The following ZBTB20 variants were observed in gnomAD, a reference collection of about 807,000 sequenced individuals.
ZBTB20 encodes the protein zinc finger and BTB domain-containing protein 20.
In ZBTB20, 9 loss-of-function variants were observed where a neutral mutation model predicts 56.9. The ratio of observed to expected loss-of-function variants is 0.16; its 90% CI spans 0.10 to 0.28. The LOEUF (loss-of-function observed/expected upper bound fraction) is 0.28. ZBTB20 is among the 10% of genes least tolerant of loss of function. The pLI is 1.00. For synonymous variants in ZBTB20, 417 were observed against 420.7 expected, an observed-to-expected ratio of 0.99 and a Z score of 0.11; for missense variants, 655 against 1,003.0, an observed-to-expected ratio of 0.65 and a Z score of 4.69.
At chr3:114,870,507 A>G (rs146172369) in intron 4 of ZBTB20, among the ~76,000 whole-genome samples, 1 of 151,690 alleles carries the variant, frequency 6.6e-6, no homozygotes, top group East Asian at 1.9e-4. Flanking sequence ...CATTAATCAC[A>G]GAAGTCTACT....
rs2079628068 is a variant in ZBTB20, at chr3:114,339,858, G to C, written c.1805-432C>G. On this transcript the variant is annotated intron_variant, in intron 11 of 11. Transcript: ENST00000675478. This position sits in a 1 kb window ranked among gnomAD's most constrained non-coding sequence, Gnocchi z 4.2. Reference sequence around the variant, plus strand: ...GAAGAAAGATCGTTGGAGACATGGGGTGCTCTAGAATCCTTGAGAACTAAG... The same window carrying C: ...GAAGAAAGATCGTTGGAGACATGGGCTGCTCTAGAATCCTTGAGAACTAAG... 6.6e-6 allele frequency among the ~76,000 whole-genome samples: 1 copy of C among 152,170 alleles called. No homozygotes were observed. Among genetic ancestry groups the C allele is most frequent in the African/African-American group, 2.4e-5 (1 of 41,442 alleles).
chr3:114,332,241 T>C lies in ZBTB20; in HGVS notation c.*6764A>G, dbSNP rs1354369642. ...GATTTTGCCCATGATCTGTAGATTA[T>C]GCTCTTGCACCGGAGACTTGAAAGT... On this transcript the variant is annotated 3_prime_UTR_variant, in exon 12 of 12. Transcript: ENST00000675478. The C allele has an allele frequency of 1.3e-5, 2 of 152,164 alleles. No homozygotes were observed. Among genetic ancestry groups the C allele is most frequent in the Admixed American group, 6.5e-5 (1 of 15,288 alleles). 9.4% of individuals were successfully genotyped at this position (152,164 alleles called of 1,614,324 possible).
Position 114,702,263 on chromosome 3 carries a change from G to C in ZBTB20, c.-342-8688C>G, listed in dbSNP as rs182155840. Among the ~76,000 whole-genome samples, 184 of 152,252 alleles carry C rather than the reference G, an allele frequency of 1.2e-3. 1 individual carries two copies. Among genetic ancestry groups the C allele is most frequent in the Middle Eastern group, 3.4e-3 (1 of 294 alleles). ...GAGGCTGAGGCTGAGGCTGAGGATTGATTGAGCCCAGGAGACCGAGGCTGC... is the reference window on the plus strand; with the variant it reads ...GAGGCTGAGGCTGAGGCTGAGGATTCATTGAGCCCAGGAGACCGAGGCTGC... On this transcript the variant is annotated intron_variant, in intron 5 of 11. Transcript: ENST00000675478.
rs1484969776 is a variant in ZBTB20, at chr3:114,331,487, C to G, written c.*7518G>C. The G allele has an allele frequency of 6.6e-6, 1 of 151,986 alleles. No homozygotes were observed. The highest frequency in any genetic ancestry group is 2.4e-5 in the African/African-American group (1 of 41,390). 9.4% of individuals were successfully genotyped at this position (151,986 alleles called of 1,614,324 possible). On this transcript the variant is annotated 3_prime_UTR_variant, in exon 12 of 12. Coordinates refer to ENST00000675478, the MANE Select transcript of ZBTB20 (RefSeq NM_001348800.3). ...TCTTAAACACAATGGTGGGAAGAGG[C>G]AACTGTATCTATGCACGAGGACCTC...
chr3:114,877,820 C>T (rs2076254533), intron 4 of ZBTB20, among the ~76,000 whole-genome samples: 1 of 151,968 alleles, frequency 6.6e-6, no homozygotes, highest in Non-Finnish European at 1.5e-5. Context: ...TAATGACTCT[C>T]TTTATTAGAC....
At chr3:114,770,480 C>A (rs1429836657) in intron 5 of ZBTB20, among the ~76,000 whole-genome samples, 1 of 151,286 alleles carries the variant, frequency 6.6e-6, no homozygotes, top group Non-Finnish European at 1.5e-5. Context: ...ATTCATGTAA[C>A]CAAATACCAC....
At position 114,636,541 on chromosome 3, in the gene ZBTB20, T is replaced by C. The variant is rs150509993; in HGVS notation, c.-295+56987A>G. On this transcript the variant is annotated intron_variant, in intron 6 of 11. Coordinates refer to ENST00000675478, the MANE Select transcript of ZBTB20 (RefSeq NM_001348800.3). The stretch of plus-strand genomic sequence containing the variant: ...TGACACCAATAACATGAAGTGTGTA[T>C]ATAGGAGAAGTAAAAGAGTAGAGAT... Among the ~76,000 whole-genome samples the C allele has an allele frequency of 7.9e-5, 12 of 152,148 alleles. No individual in the cohort carries two copies. In the East Asian group the frequency reaches 1.4e-3, roughly 17 times the overall value.
intron 6 of ZBTB20, among the ~76,000 whole-genome samples, chr3:114,596,088 A>G (rs2056292279): frequency 6.6e-6 from 1 of 152,182 alleles, no homozygotes; most frequent in Admixed American, 6.5e-5. Context: ...TTCTTTGTGT[A>G]GCCAAATTTC....
chr3:115,055,486 T>C (rs1230044380), intron 2 of ZBTB20, among the ~76,000 whole-genome samples: 1 of 152,236 alleles, frequency 6.6e-6, no homozygotes, highest in Non-Finnish European at 1.5e-5. Flanking sequence ...GATAAATGTT[T>C]GTTGTTTTAA....
chr3:114,768,515 T>C (rs1217323496), intron 5 of ZBTB20, among the ~76,000 whole-genome samples: 2 of 152,096 alleles, frequency 1.3e-5, no homozygotes, highest in Non-Finnish European at 2.9e-5. Context: ...TATAGGAAAT[T>C]ACAAGGAGAC....
intron 4 of ZBTB20, among the ~76,000 whole-genome samples, chr3:114,879,438 G>C (rs911522577): frequency 6.6e-6 from 1 of 152,036 alleles, no homozygotes; most frequent in Non-Finnish European, 1.5e-5. Context: ...CCTCAGTAGT[G>C]ACTAAAATCT....
intron 2 of ZBTB20, among the ~76,000 whole-genome samples, chr3:115,010,940 A>G (rs1393345950): frequency 6.6e-6 from 1 of 151,978 alleles, no homozygotes; most frequent in Non-Finnish European, 1.5e-5. Flanking sequence ...AGATAAATTT[A>G]ACAAAGAGAA....
intron 7 of ZBTB20, among the ~76,000 whole-genome samples, chr3:114,498,148 A>C (rs2043500789): frequency 6.6e-6 from 1 of 152,192 alleles, no homozygotes; most frequent in Non-Finnish European, 1.5e-5. Flanking sequence ...ACTTATAAGA[A>C]CCAAGTTTCC....
intron 5 of ZBTB20, among the ~76,000 whole-genome samples, chr3:114,696,431 TA>T (rs1031392065): frequency 3.3e-5 from 5 of 151,950 alleles, no homozygotes; most frequent in Admixed American, 1.3e-4. Flanking sequence ...CTGGTTGTAT[TA>T]AAAACAATCA....
At chr3:114,785,823 T>C (rs527458499) in intron 5 of ZBTB20, among the ~76,000 whole-genome samples, 1 of 152,300 alleles carries the variant, frequency 6.6e-6, no homozygotes, top group South Asian at 2.1e-4. Flanking sequence ...GTAAATTTAA[T>C]GGATGCAAGT....
Position 114,751,709 on chromosome 3 carries a change from G to T in ZBTB20, c.-343+49392C>A, listed in dbSNP as rs538393311. 1.6e-4 allele frequency among the ~76,000 whole-genome samples: 25 copies of T among 152,150 alleles called. No individual in the cohort carries two copies. The South Asian group carries it at 5.0e-3, about 30-fold the overall frequency. ...AAACAAACCAAGTTAATCACAAATT[G>T]TTGCAACAAAATATGTGACATGAAG... On this transcript the variant is annotated intron_variant, in intron 5 of 11. Transcript: ENST00000675478.
intron 5 of ZBTB20, among the ~76,000 whole-genome samples, chr3:114,707,287 C>T (rs933674273): frequency 6.6e-6 from 1 of 152,166 alleles, no homozygotes; most frequent in East Asian, 1.9e-4. Context: ...CACTAACTCA[C>T]AGTCATTTTT....
In ZBTB20 at chr3:114,336,378, A is replaced by G. The variant is rs1217977241; in HGVS notation, c.*2627T>C. ...TAAAAAGCAAAATTAGCAATAGAAA[A>G]ATGAACTTACTTTATCTCGGAAGCT... On this transcript the variant is annotated 3_prime_UTR_variant, in exon 12 of 12. Transcript: ENST00000675478. The G allele has an allele frequency of 6.6e-6, 1 of 152,222 alleles. No individual in the cohort carries two copies. The highest frequency in any genetic ancestry group is 2.4e-5 in the African/African-American group (1 of 41,462). 9.4% of individuals were successfully genotyped at this position (152,222 alleles called of 1,614,324 possible).
rs139441300 is a variant in ZBTB20 at position 115,125,682 on chromosome 3, T to A, written c.-703+21537A>T. 8.2e-4 allele frequency among the ~76,000 whole-genome samples: 125 copies of A among 152,296 alleles called. 1 individual carries two copies. The East Asian group carries it at 0.015, about 18-fold the overall frequency. On this transcript the variant is annotated intron_variant, in intron 1 of 11. Coordinates refer to ENST00000675478, the MANE Select transcript of ZBTB20 (RefSeq NM_001348800.3). The stretch of plus-strand genomic sequence containing the variant: ...GACTATAGTTAATAACAATGTATTG[T>A]TTGCTTGAAAATTGCTAAGAGAATA...
Sources: allele counts gnomAD v4.1 joint callset (sites outside exome capture counted in the v4.1 genomes callset), GRCh38; gene constraint gnomAD v4.1.1; non-coding constraint Gnocchi (gnomAD v3.1); transcripts MANE v1.5; gene names NCBI Gene and HGNC (gene_info 2026-07-23, HGNC 2026-07-21).